OTULIN: variants seen among roughly 807,000 people sequenced by gnomAD.
OTULIN encodes ubiquitin thioesterase otulin.
Under a neutral mutation model 39.6 loss-of-function variants are expected in OTULIN, and 15 were observed. The ratio of observed to expected loss-of-function variants is 0.38; its 90% CI spans 0.25 to 0.58. The LOEUF (loss-of-function observed/expected upper bound fraction) is 0.58, where lower values mean the gene tolerates loss of function less well. Among genes scored for constraint, OTULIN ranks in the 20% least tolerant of loss-of-function variants. The pLI, the probability that OTULIN is intolerant of heterozygous loss-of-function variation, is 0.66. For synonymous variants in OTULIN, 156 were observed against 170.3 expected (o/e 0.92, Z 0.65); for missense variants, 319 against 445.9 (o/e 0.72, Z 2.56).
At chr5:14,706,652 G>A in the OTULIN span, 1 of 152,080 alleles carries the variant, frequency 6.6e-6, no homozygotes, top group African/African-American at 2.4e-5. Context: ...TAGACATTTT[G>A]CCTTTAAAAG....
At position 14,690,623 on chromosome 5, in the gene OTULIN, A is replaced by C. The variant is rs1449107191; in HGVS notation, c.864+315A>C. Among the ~76,000 whole-genome samples, 1 of 152,172 alleles carries C rather than the reference A, an allele frequency of 6.6e-6. No individual in the cohort carries two copies. The highest frequency in any genetic ancestry group is 1.5e-5 in the Non-Finnish European group (1 of 68,026). ...CACAGGGCTGCTTGAGTGTCCTTACAACATGGCAGCTGGCTTCTCAGAGTG... is the reference window on the plus strand; with the variant it reads ...CACAGGGCTGCTTGAGTGTCCTTACCACATGGCAGCTGGCTTCTCAGAGTG... On this transcript the variant is annotated intron_variant, in intron 6 of 6. Coordinates refer to ENST00000284274, the MANE Select transcript of OTULIN (RefSeq NM_138348.6). The surrounding 1 kb of genome is among the most constrained non-coding windows in gnomAD (Gnocchi z 4.5).
chr5:14,687,782 G>A, intron 5 of OTULIN, 136 bp downstream of exon 5: 1 of 1,087,674 alleles, frequency 9.2e-7, no homozygotes, highest in East Asian at 2.5e-5. Context: ...GGTTTTAAAT[G>A]AATTCAAACT....
intron 5 of OTULIN, among the ~76,000 whole-genome samples, chr5:14,688,566 C>T (rs1377384662): frequency 6.6e-6 from 1 of 152,178 alleles, no homozygotes; most frequent in African/African-American, 2.4e-5. Flanking sequence ...ACTGAGGGCC[C>T]TGACTTCTTG....
At chr5:14,684,270 T>C (rs186966052) in intron 4 of OTULIN, among the ~76,000 whole-genome samples, 4 of 152,368 alleles carry the variant, frequency 2.6e-5, no homozygotes, top group Non-Finnish European at 5.9e-5. Context: ...AGAACGTCTT[T>C]GTTCTTTCCT....
intron 4 of OTULIN, among the ~76,000 whole-genome samples, chr5:14,687,033 CT>C (rs36077921): frequency 6.6e-6 from 1 of 152,130 alleles, no homozygotes; most frequent in East Asian, 1.9e-4. Flanking sequence ...CTTTTTCTAC[CT>C]TTTTTTGGTG....
chr5:14,688,582 TA>T (rs1736445399), intron 5 of OTULIN, among the ~76,000 whole-genome samples: 1 of 152,214 alleles, frequency 6.6e-6, no homozygotes, highest in Non-Finnish European at 1.5e-5. Flanking sequence ...TCTTGGAACC[TA>T]GTTTTTGCTT....
rs117002851 is a variant in OTULIN, at chr5:14,668,987, G to C, written c.152+4010G>C. Among the ~76,000 whole-genome samples, 13 of 152,252 alleles carry C rather than the reference G, an allele frequency of 8.5e-5. 1 individual carries two copies. The East Asian group carries it at 2.5e-3, about 29-fold the overall frequency. ...AACAAGTGGTACCAGTTATAATTTA[G>C]TATGCAACGTTATATAGCTTACTCA... is the stretch of plus-strand genomic sequence containing the variant. On this transcript the variant is annotated intron_variant, in intron 1 of 6. Transcript: ENST00000284274.
chr5:14,685,794 A>T (rs555659683), intron 4 of OTULIN, among the ~76,000 whole-genome samples: 13 of 141,948 alleles, frequency 9.2e-5, no homozygotes, highest in African/African-American at 3.0e-4. Flanking sequence ...TTCCCAGCTC[A>T]CATCTGTGTA....
intron 5 of OTULIN, among the ~76,000 whole-genome samples, chr5:14,688,184 C>G (rs1357435779): frequency 3.3e-5 from 5 of 152,124 alleles, no homozygotes; most frequent in Admixed American, 3.3e-4. Flanking sequence ...CTTTGAAATT[C>G]TACCTTTCTG....
chr5:14,708,189 T>C, the OTULIN span: 1 of 152,250 alleles, frequency 6.6e-6, no homozygotes, highest in African/African-American at 2.4e-5. Flanking sequence ...CTTGTGCTAC[T>C]CAAACAGGCC....
the OTULIN span, chr5:14,710,299 G>C: frequency 6.6e-6 from 1 of 152,214 alleles, no homozygotes; most frequent in Admixed American, 6.5e-5. Context: ...GCAAAGTTAG[G>C]ATGCTCCATG....
chr5:14,681,826 A>G (rs1158436188), intron 4 of OTULIN, among the ~76,000 whole-genome samples: 2 of 152,224 alleles, frequency 1.3e-5, no homozygotes, highest in Non-Finnish European at 2.9e-5. Flanking sequence ...TATATGAACA[A>G]TTTAGTTGAA....
At position 14,690,434 on chromosome 5, in the gene OTULIN, G is replaced by A. The variant is rs775647229; in HGVS notation, c.864+126G>A. ...TAGTTGGATGGTTCTGGCTCAGGAT[G>A]TCATGAGGCTGCAGTTGTATGTTCA... On this transcript the variant is annotated intron_variant, in intron 6 of 6. Transcript: ENST00000284274. This position sits in a 1 kb window ranked among gnomAD's most constrained non-coding sequence, Gnocchi z 4.5. 4 of 1,133,528 alleles carry A rather than the reference G, an allele frequency of 3.5e-6. No individual in the cohort carries two copies. The highest frequency in any genetic ancestry group is 5.1e-5 in the East Asian group (2 of 39,094). The allele number at this position is 1,133,528 out of a possible 1,614,324, so 70.2% of individuals were successfully genotyped here. A position where few individuals can be genotyped will look rare whatever the true frequency, so the allele number is the denominator to read the frequency against.
chr5:14,681,237 T>G (rs1736241473), intron 3 of OTULIN, among the ~76,000 whole-genome samples: 1 of 152,084 alleles, frequency 6.6e-6, no homozygotes, highest in Admixed American at 6.6e-5. Flanking sequence ...TCTTGCCTTT[T>G]TTTTTTTTAA....
At chr5:14,707,149 T>C in the OTULIN span, 2 of 152,256 alleles carry the variant, frequency 1.3e-5, no homozygotes, top group Non-Finnish European at 2.9e-5. Flanking sequence ...CGGCACATGC[T>C]GTCCTGGGCA....
In OTULIN at chr5:14,697,990, A is replaced by G. The variant is rs1424346885; in HGVS notation, c.*4942A>G. On this transcript the variant is annotated 3_prime_UTR_variant, in exon 7 of 7. Coordinates refer to ENST00000284274, the MANE Select transcript of OTULIN (RefSeq NM_138348.6). Reference sequence around the variant, plus strand: ...GTATTCACATAAATGGTGCTAAAACATTGTACCCCTTATAAGAACTGCAGC... The same window carrying G: ...GTATTCACATAAATGGTGCTAAAACGTTGTACCCCTTATAAGAACTGCAGC... The G allele has an allele frequency of 6.6e-6, 1 of 152,344 alleles. No individual in the cohort carries two copies. The highest frequency in any genetic ancestry group is 1.9e-4 in the East Asian group (1 of 5,192). 9.4% of individuals were successfully genotyped at this position (152,344 alleles called of 1,614,324 possible).
At chr5:14,678,996 T>G (rs986406074) in intron 3 of OTULIN, among the ~76,000 whole-genome samples, 3 of 152,238 alleles carry the variant, frequency 2.0e-5, no homozygotes, top group Non-Finnish European at 4.4e-5. Flanking sequence ...AGTGACGCAA[T>G]TTCTTTGAAA....
At chr5:14,684,954 C>T (rs1433803409) in intron 4 of OTULIN, among the ~76,000 whole-genome samples, 1 of 152,198 alleles carries the variant, frequency 6.6e-6, no homozygotes, top group Non-Finnish European at 1.5e-5. Flanking sequence ...GCCCAGGTGT[C>T]CTGTTTGTTG....
Position 14,681,624 on chromosome 5 carries a change from G to C in OTULIN, c.468+17G>C, listed in dbSNP as rs1204314358. On this transcript the variant is annotated intron_variant, in intron 4 of 6. Coordinates refer to ENST00000284274, the MANE Select transcript of OTULIN (RefSeq NM_138348.6). ...CTCATGCTGGTACGCTGCTGCTGCA[G>C]GTTTGAGTCCAAAATGTTTCAAACA... 1.3e-6 allele frequency: 2 copies of C among 1,595,306 alleles called. No individual in the cohort carries two copies. The highest frequency in any genetic ancestry group is 1.7e-6 in the Non-Finnish European group (2 of 1,173,934).
Sources: gnomAD v4.1 joint callset for allele counts (sites outside exome capture counted in the v4.1 genomes callset) on GRCh38, gnomAD v4.1.1 for gene constraint, Gnocchi (gnomAD v3.1) non-coding constraint, MANE v1.5 for transcripts, NCBI Gene and HGNC (gene_info 2026-07-23, HGNC 2026-07-21) for gene names.